PRND: variants seen among roughly 807,000 people sequenced by gnomAD.
PRND encodes the protein prion like protein doppel.
For synonymous variants in PRND, 94 were observed against 93.2 expected (o/e 1.01, Z -0.05); for missense variants, 227 against 223.3 (o/e 1.02, Z -0.11).
At chr20:4,722,974 C>T (rs1923147944) in intron 1 of PRND, among the ~76,000 whole-genome samples, 1 of 152,182 alleles carries the variant, frequency 6.6e-6, no homozygotes, top group Admixed American at 6.5e-5. Context: ...TCGGATGTCC[C>T]AGGGCCACCT....
rs1410241471 is a variant in PRND, at chr20:4,728,283, T to C, written c.*3201T>C. Reference sequence around the variant, plus strand: ...TTGGCTTCCCTAACTTAACATTGCATCATGAAACTCTTTGGAACAACAGCT... The same window carrying C: ...TTGGCTTCCCTAACTTAACATTGCACCATGAAACTCTTTGGAACAACAGCT... On this transcript the variant is annotated 3_prime_UTR_variant, in exon 2 of 2. Transcript: ENST00000305817. 6.0e-6 allele frequency: 1 copy of C among 167,094 alleles called. No homozygotes were observed. Among genetic ancestry groups the C allele is most frequent in the Non-Finnish European group, 1.5e-5 (1 of 68,126 alleles). 10.4% of individuals were successfully genotyped at this position (167,094 alleles called of 1,614,324 possible). A position where few individuals can be genotyped will look rare whatever the true frequency, so the allele number is the denominator to read the frequency against.
In PRND at chr20:4,727,868, C is replaced by T. The variant is rs1923325708; in HGVS notation, c.*2786C>T. On this transcript the variant is annotated 3_prime_UTR_variant, in exon 2 of 2. Transcript: ENST00000305817. ...TGGCGTGATCTTGGCTCACTACAAC[C>T]TCCACCTTCCAGGCTTAAGCGATTC... 1 of 158,866 alleles carries T rather than the reference C, an allele frequency of 6.3e-6. No homozygotes were observed. Among genetic ancestry groups the T allele is most frequent in the Admixed American group, 6.9e-5 (1 of 14,398 alleles). 9.8% of individuals were successfully genotyped at this position (158,866 alleles called of 1,614,324 possible). A position where few individuals can be genotyped will look rare whatever the true frequency, so the allele number is the denominator to read the frequency against.
chr20:4,725,146 C>T lies in PRND; in HGVS notation c.*64C>T. 1 of 1,560,574 alleles carries T rather than the reference C, an allele frequency of 6.4e-7. No individual in the cohort carries two copies. The highest frequency in any genetic ancestry group is 8.7e-7 in the Non-Finnish European group (1 of 1,151,854). Reference sequence around the variant, plus strand: ...GCAAATCCTGGCAAGTGACCCAGCTCTTCTCCCCCAAACCCACGCGTGTTC... The same window carrying T: ...GCAAATCCTGGCAAGTGACCCAGCTTTTCTCCCCCAAACCCACGCGTGTTC... On this transcript the variant is annotated 3_prime_UTR_variant, in exon 2 of 2. Transcript: ENST00000305817.
chr20:4,724,597 C>T lies in PRND; in HGVS notation c.46C>T (p.Leu16=), dbSNP rs1395544374. Residue 16 remains leucine, a synonymous_variant, in exon 2 of 2, where the codon CTG becomes TTG. Coordinates refer to ENST00000305817, the MANE Select transcript of PRND (RefSeq NM_012409.4). The surrounding 1 kb of genome is among the most constrained non-coding windows in gnomAD (Gnocchi z 4.8). ...GTGGTGGCTGGCCACTGTCTGCATG[C>T]TGCTCTTCAGCCACCTCTCTGCGGT... is the stretch of plus-strand genomic sequence containing the variant. ...SWWWLATVCM[L]LFSHLSAVQT... is the part of the protein sequence containing the mutation. 1 of 1,614,146 alleles carries T rather than the reference C, an allele frequency of 6.2e-7. No homozygotes were observed. Among genetic ancestry groups the T allele is most frequent in the Non-Finnish European group, 8.5e-7 (1 of 1,180,032 alleles).
intron 1 of PRND, among the ~76,000 whole-genome samples, chr20:4,723,948 GTGTGTGTGTGTGTGTGTGTGTGTGTGTA>G (rs1923176990): frequency 1.1e-5 from 1 of 88,270 alleles, no homozygotes; most frequent in South Asian, 3.2e-4. Context: ...ATGTGTGTGT[GTGTGTGTGTGTGTGTGTGTGTGTGTGTA>G]TGTGTGTGTG....
At position 4,724,874 on chromosome 20, in the gene PRND, G is replaced by A; in HGVS notation, c.323G>A (p.Cys108Tyr). Residue 108 changes from cysteine to tyrosine, a missense_variant, in exon 2 of 2, where the codon TGC becomes TAC. By Grantham distance (194) the Cys-to-Tyr change is radical. Transcript: ENST00000305817. This position sits in a 1 kb window ranked among gnomAD's most constrained non-coding sequence, Gnocchi z 4.8. ...NVTKEAFVTGCINATQAANQG... is the reference protein window; with the variant it reads ...NVTKEAFVTGYINATQAANQG... Reference sequence around the variant, plus strand: ...ACCAAGGAGGCATTTGTCACCGGCTGCATCAATGCCACCCAGGCGGCGAAC... The same window carrying A: ...ACCAAGGAGGCATTTGTCACCGGCTACATCAATGCCACCCAGGCGGCGAAC... 6.2e-7 allele frequency: 1 copy of A among 1,614,214 alleles called. No individual in the cohort carries two copies. Among genetic ancestry groups the A allele is most frequent in the Non-Finnish European group, 8.5e-7 (1 of 1,180,032 alleles).
chr20:4,722,444 G>T (rs1350482637), intron 1 of PRND, among the ~76,000 whole-genome samples: 1 of 151,630 alleles, frequency 6.6e-6, no homozygotes, highest in African/African-American at 2.4e-5. Flanking sequence ...GGGGTGAGGG[G>T]GTCCAGATGC....
In PRND at chr20:4,723,560, A is replaced by G. The variant is rs528997941; in HGVS notation, c.-11-981A>G. 3.3e-5 allele frequency among the ~76,000 whole-genome samples: 5 copies of G among 152,306 alleles called. No individual in the cohort carries two copies. In the East Asian group the frequency reaches 5.8e-4, roughly 18 times the overall value. On this transcript the variant is annotated intron_variant, in intron 1 of 1. Transcript: ENST00000305817. ...CTCTCTCATTACTGCAAAGCCCTTT[A>G]GGATCAGCAGCCAGTGAATTCCTCA... is the stretch of plus-strand genomic sequence containing the variant.
chr20:4,728,142 C>G lies in PRND; in HGVS notation c.*3060C>G, dbSNP rs1161407362. 1.2e-5 allele frequency: 2 copies of G among 166,586 alleles called. No homozygotes were observed. Among genetic ancestry groups the G allele is most frequent in the Non-Finnish European group, 2.9e-5 (2 of 68,028 alleles). 10.3% of individuals were successfully genotyped at this position (166,586 alleles called of 1,614,324 possible). A position where few individuals can be genotyped will look rare whatever the true frequency, so the allele number is the denominator to read the frequency against. On this transcript the variant is annotated 3_prime_UTR_variant, in exon 2 of 2. Coordinates refer to ENST00000305817, the MANE Select transcript of PRND (RefSeq NM_012409.4). ...TTTTCCCCCGTCCTGTCCCCTCCTT[C>G]CAGCCTGAGATGTAGGCTCCACCTT...
rs1161601875 is a variant in PRND at position 4,727,624 on chromosome 20, TACA to T, written c.*2547_*2549del. The T allele has an allele frequency of 6.0e-6, 1 of 167,048 alleles. No homozygotes were observed. Among genetic ancestry groups the T allele is most frequent in the Non-Finnish European group, 1.5e-5 (1 of 68,112 alleles). 10.3% of individuals were successfully genotyped at this position (167,048 alleles called of 1,614,324 possible). A position where few individuals can be genotyped will look rare whatever the true frequency, so the allele number is the denominator to read the frequency against. On this transcript the variant is annotated 3_prime_UTR_variant, in exon 2 of 2. Transcript: ENST00000305817. ...CAACAGATATTCCAGACCAAAATAA[TACA>T]ACAATCCCAGCATCTGATTGAGTCA...
In PRND at chr20:4,726,707, A is replaced by G. The variant is rs968646646; in HGVS notation, c.*1625A>G. The stretch of plus-strand genomic sequence containing the variant: ...TTTAAAGAGAGTTTGTAAGGGGGGA[A>G]CATGCATTTTATCAGACAATTTATC... On this transcript the variant is annotated 3_prime_UTR_variant, in exon 2 of 2. Coordinates refer to ENST00000305817, the MANE Select transcript of PRND (RefSeq NM_012409.4). The G allele has an allele frequency of 6.0e-6, 1 of 167,118 alleles. No individual in the cohort carries two copies. The highest frequency in any genetic ancestry group is 1.5e-5 in the Non-Finnish European group (1 of 68,130). 10.4% of individuals were successfully genotyped at this position (167,118 alleles called of 1,614,324 possible).
intron 1 of PRND, among the ~76,000 whole-genome samples, chr20:4,723,147 G>C (rs190659615): frequency 6.6e-6 from 1 of 152,316 alleles, no homozygotes; most frequent in African/African-American, 2.4e-5. Flanking sequence ...GTCTTCTCCT[G>C]AAACCCAGAT....
chr20:4,726,136 ATT>A lies in PRND; in HGVS notation c.*1071_*1072del, dbSNP rs58804370. On this transcript the variant is annotated 3_prime_UTR_variant, in exon 2 of 2. Transcript: ENST00000305817. Reference sequence around the variant, plus strand: ...GGGCCTCCCATAGTGCTGGGATTCAATTTTTTTTTTTTTTTTTTCAAAAGAAG... The same window carrying A: ...GGGCCTCCCATAGTGCTGGGATTCAATTTTTTTTTTTTTTTTCAAAAGAAG... The A allele has an allele frequency of 3.1e-4, 37 of 120,474 alleles. No homozygotes were observed. The highest frequency in any genetic ancestry group is 2.2e-3 in the East Asian group (9 of 4,024). 7.5% of individuals were successfully genotyped at this position (120,474 alleles called of 1,614,324 possible).
rs1372243155 is a variant in PRND, at chr20:4,724,975, C to T, written c.424C>T (p.Leu142Phe). The change falls in exon 2 of 2, where the codon CTC (leucine) becomes TTC (phenylalanine). Residue 142 changes from leucine (L) to phenylalanine (F), a missense_variant. Coordinates refer to ENST00000305817, the MANE Select transcript of PRND (RefSeq NM_012409.4). This position sits in a 1 kb window ranked among gnomAD's most constrained non-coding sequence, Gnocchi z 4.8. ...LWRLVQELCS[L>F]KHCEFWLERG... ...GCGGCTGGTCCAGGAGCTCTGCTCC[C>T]TCAAGCATTGCGAGTTTTGGTTGGA... 5 of 1,613,888 alleles carry T rather than the reference C, an allele frequency of 3.1e-6. No individual in the cohort carries two copies. The highest frequency in any genetic ancestry group is 4.2e-6 in the Non-Finnish European group (5 of 1,179,998).
intron 1 of PRND, among the ~76,000 whole-genome samples, chr20:4,723,913 C>A (rs994501552): frequency 6.6e-6 from 1 of 150,582 alleles, no homozygotes; most frequent in Non-Finnish European, 1.5e-5. Flanking sequence ...GCCTGGGCAA[C>A]AGAGTGAGAT....
rs144222118 is a variant in PRND at position 4,724,836 on chromosome 20, T to C, written c.285T>C (p.Ser95=). The change falls in exon 2 of 2, where the codon TCT becomes TCC. Residue 95 remains serine (S), a synonymous_variant. Transcript: ENST00000305817. This position sits in a 1 kb window ranked among gnomAD's most constrained non-coding sequence, Gnocchi z 4.8. ...FPDGIHYNGC[S]EANVTKEAFV... ...ATGGCATCCACTACAACGGCTGCTC[T>C]GAGGCTAATGTGACCAAGGAGGCAT... The C allele has an allele frequency of 4.0e-5, 64 of 1,614,056 alleles. No homozygotes were observed. In the African/African-American group the frequency reaches 7.5e-4, roughly 19 times the overall value.
rs571201456 is a variant in PRND, at chr20:4,725,458, T to G, written c.*376T>G. 4.5e-5 allele frequency: 10 copies of G among 220,744 alleles called. No homozygotes were observed. The East Asian group carries it at 1.1e-3, about 24-fold the overall frequency. 13.7% of individuals were successfully genotyped at this position (220,744 alleles called of 1,614,324 possible). ...ACTGAGGCCCAGAGAGCTGAAGTACTGCACCCAGCATCACCAGCTAGAAAG... is the reference window on the plus strand; with the variant it reads ...ACTGAGGCCCAGAGAGCTGAAGTACGGCACCCAGCATCACCAGCTAGAAAG... On this transcript the variant is annotated 3_prime_UTR_variant, in exon 2 of 2. Transcript: ENST00000305817.
rs1441768796 is a variant in PRND, at chr20:4,725,094, G to C, written c.*12G>C. The C allele has an allele frequency of 2.5e-6, 4 of 1,611,428 alleles. No homozygotes were observed. Among genetic ancestry groups the C allele is most frequent in the Non-Finnish European group, 3.4e-6 (4 of 1,179,148 alleles). On this transcript the variant is annotated 3_prime_UTR_variant, in exon 2 of 2. Coordinates refer to ENST00000305817, the MANE Select transcript of PRND (RefSeq NM_012409.4). ...TCACGGTGAAATAAGCTTGCCAGGA[G>C]GCTGGCAGTACAGAGTGCAGCAGCG...
Position 4,726,908 on chromosome 20 carries a change from T to TC in PRND, c.*1828dup, listed in dbSNP as rs1290999243. ...TTACACTGGGCACATGGAGGAGACG[T>TC]CCACCCTGCAGCCAGGACTGGGGTT... On this transcript the variant is annotated 3_prime_UTR_variant, in exon 2 of 2. Coordinates refer to ENST00000305817, the MANE Select transcript of PRND (RefSeq NM_012409.4). 1 of 167,044 alleles carries TC rather than the reference T, an allele frequency of 6.0e-6. No homozygotes were observed. Among genetic ancestry groups the TC allele is most frequent in the Non-Finnish European group, 1.5e-5 (1 of 68,150 alleles). 10.3% of individuals were successfully genotyped at this position (167,044 alleles called of 1,614,324 possible).
Sources: allele counts gnomAD v4.1 joint callset (sites outside exome capture counted in the v4.1 genomes callset), GRCh38; gene constraint gnomAD v4.1.1; non-coding constraint Gnocchi (gnomAD v3.1); transcripts MANE v1.5; gene names NCBI Gene and HGNC (gene_info 2026-07-23, HGNC 2026-07-21).